MCM3: variants seen among roughly 807,000 people sequenced by gnomAD.
The protein encoded by MCM3 is DNA replication licensing factor MCM3.
MCM3 carries 59 observed loss-of-function variants against 91.3 expected under a neutral mutation model. That is an observed-to-expected ratio of 0.65 (90% confidence interval 0.52 to 0.80). MCM3 has a LOEUF of 0.80. MCM3 is among the 30% of genes least tolerant of loss of function. The pLI is 0.00. For missense variants in MCM3, 919 were observed against 1,035.4 expected (o/e 0.89, Z 1.54); for synonymous variants, 383 against 379.6 (o/e 1.01, Z -0.10).
At chr6:52,283,446 T>A in intron 1 of MCM3, 40 bp from the exon 2 acceptor site, 1 of 1,378,966 alleles carries the variant, frequency 7.3e-7, no homozygotes, top group Non-Finnish European at 1.0e-6. Context: ...GCCACAAATT[T>A]AAAAACAATG....
Position 52,283,318 on chromosome 6 carries a change from C to T in MCM3, c.167G>A (p.Arg56Lys). The T allele has an allele frequency of 6.2e-7, 1 of 1,614,130 alleles. No homozygotes were observed. The highest frequency in any genetic ancestry group is 8.5e-7 in the Non-Finnish European group (1 of 1,180,018). ...CCGGTTAGCCCTCTTCTCGTTTTTC[C>T]TGCGCAGGTCATTCACATTGACAAT... ...RLIVNVNDLRRKNEKRANRLL... is the reference protein window; with the variant it reads ...RLIVNVNDLRKKNEKRANRLL... The change falls in exon 2 of 17, where the codon AGG (arginine) becomes AAG (lysine). Residue 56 changes from arginine to lysine, a missense_variant. Around this residue, in one of 3 missense-constraint regions of MCM3, gnomAD observed 401 missense variants for 402.7 expected, o/e 1.00. Coordinates refer to ENST00000596288, the MANE Select transcript of MCM3 (RefSeq NM_002388.6).
chr6:52,267,016 C>G (rs1481397561), intron 14 of MCM3, among the ~76,000 whole-genome samples: 1 of 151,698 alleles, frequency 6.6e-6, no homozygotes, highest in Non-Finnish European at 1.5e-5. Flanking sequence ...GCTGTTCCTA[C>G]TATTTAGCAT....
chr6:52,281,547 G>A lies in MCM3; in HGVS notation c.531+498C>T, dbSNP rs565695119. Among the ~76,000 whole-genome samples, 3 of 152,140 alleles carry A rather than the reference G, an allele frequency of 2.0e-5. No individual in the cohort carries two copies. In the South Asian group the frequency reaches 6.2e-4, roughly 32 times the overall value. On this transcript the variant is annotated intron_variant, in intron 4 of 16. Coordinates refer to ENST00000596288, the MANE Select transcript of MCM3 (RefSeq NM_002388.6). Reference sequence around the variant, plus strand: ...AAAAAAAAAATTAGCGGACCTGGTGGTGCATGCCTATAATCCCAGGTACTC... The same window carrying A: ...AAAAAAAAAATTAGCGGACCTGGTGATGCATGCCTATAATCCCAGGTACTC...
At chr6:52,269,293 A>C in intron 12 of MCM3, 67 bp from the exon 13 acceptor site, 2 of 1,511,748 alleles carry the variant, frequency 1.3e-6, no homozygotes, top group Non-Finnish European at 1.8e-6. Context: ...CCTACTGCAC[A>C]GAAAGGGAAA....
At chr6:52,279,293 G>A in intron 5 of MCM3, 68 bp downstream of exon 5, 1 of 1,364,832 alleles carries the variant, frequency 7.3e-7, no homozygotes. Context: ...TGGCAAACTG[G>A]AGAAAGGATA....
intron 4 of MCM3, 73 bp from the exon 5 acceptor site, chr6:52,279,672 C>T: frequency 1.8e-6 from 2 of 1,097,048 alleles, no homozygotes; most frequent in Admixed American, 2.3e-5. Context: ...CCTGTCATGG[C>T]AAATAAGATG....
At chr6:52,280,244 G>A (rs113187750) in intron 4 of MCM3, among the ~76,000 whole-genome samples, 116 of 152,322 alleles carry the variant, frequency 7.6e-4, no homozygotes, top group Middle Eastern at 3.4e-3. Context: ...TTCCTCATTT[G>A]GAGCTGGTTA....
chr6:52,273,082 GA>G, intron 11 of MCM3, 147 bp downstream of exon 11: 1 of 915,426 alleles, frequency 1.1e-6, no homozygotes, highest in Non-Finnish European at 1.7e-6. Flanking sequence ...TGTGGACCCA[GA>G]AAAGAAGAAA....
Position 52,273,374 on chromosome 6 carries a change from G to A in MCM3, c.1550-18C>T. ...GGGCATAGCTGGTATACCCAAGTTAGGAGAAAGGAGAGTAATAAAGAGTTT... is the reference window on the plus strand; with the variant it reads ...GGGCATAGCTGGTATACCCAAGTTAAGAGAAAGGAGAGTAATAAAGAGTTT... On this transcript the variant is annotated intron_variant, in intron 10 of 16. Transcript: ENST00000596288. 6.2e-7 allele frequency: 1 copy of A among 1,613,834 alleles called. No homozygotes were observed. Among genetic ancestry groups the A allele is most frequent in the Non-Finnish European group, 8.5e-7 (1 of 1,179,860 alleles).
chr6:52,284,269 T>A (rs1766439347), intron 1 of MCM3, among the ~76,000 whole-genome samples: 1 of 152,042 alleles, frequency 6.6e-6, no homozygotes, highest in African/African-American at 2.4e-5. Context: ...TCCCCCACAG[T>A]CTCCTCAAAT....
chr6:52,281,380 A>T (rs1022041840), intron 4 of MCM3, among the ~76,000 whole-genome samples: 10 of 152,240 alleles, frequency 6.6e-5, no homozygotes, highest in African/African-American at 2.4e-4. Context: ...TCTTAAAAAA[A>T]TAATAAGAGT....
At chr6:52,269,675 G>T (rs984033379) in intron 12 of MCM3, among the ~76,000 whole-genome samples, 4 of 152,216 alleles carry the variant, frequency 2.6e-5, no homozygotes, top group Non-Finnish European at 5.9e-5. Flanking sequence ...CTAAAGGAGG[G>T]ATAGGAAAGA....
chr6:52,271,109 C>T (rs1431600665), intron 12 of MCM3, among the ~76,000 whole-genome samples: 4 of 151,716 alleles, frequency 2.6e-5, no homozygotes, highest in East Asian at 1.9e-4. Flanking sequence ...ACCCGGGAGG[C>T]GGAGGTTGCA....
Position 52,267,970 on chromosome 6 carries a change from T to A in MCM3, c.1969-2A>T. ...ACGTTTCTTCTCCTTCTCCAGAACC[T>A]AAGACCAAGGCAAGTGTGGCTGGGC... On this transcript the variant is annotated splice_acceptor_variant, in intron 13 of 16. Transcript: ENST00000596288. LOFTEE classifies it high-confidence loss of function. The A allele has an allele frequency of 6.2e-7, 1 of 1,613,972 alleles. No individual in the cohort carries two copies. The highest frequency in any genetic ancestry group is 2.2e-5 in the East Asian group (1 of 44,878).
chr6:52,284,281 A>AAG, intron 1 of MCM3, among the ~76,000 whole-genome samples: 1 of 152,180 alleles, frequency 6.6e-6, no homozygotes, highest in East Asian at 1.9e-4. Flanking sequence ...TCCTCAAATC[A>AAG]AGAGAGAGCA....
chr6:52,268,325 G>A (rs1279035031), intron 13 of MCM3, among the ~76,000 whole-genome samples: 4 of 151,976 alleles, frequency 2.6e-5, no homozygotes, highest in Admixed American at 1.3e-4. Flanking sequence ...AGCAAAAAGC[G>A]AGGAAGAGTT....
In MCM3 at chr6:52,276,477, C is replaced by G. The variant is rs1222093653; in HGVS notation, c.1166-1G>C. 1 of 1,613,686 alleles carries G rather than the reference C, an allele frequency of 6.2e-7. No homozygotes were observed. Among genetic ancestry groups the G allele is most frequent in the South Asian group, 1.1e-5 (1 of 91,012 alleles). Reference sequence around the variant, plus strand: ...GCCCCTGCTTCCAGACGGCGCTCTCCTGGGAAGTGAGAAGGTAAAAATACG... The same window carrying G: ...GCCCCTGCTTCCAGACGGCGCTCTCGTGGGAAGTGAGAAGGTAAAAATACG... On this transcript the variant is annotated splice_acceptor_variant, in intron 8 of 16. Transcript: ENST00000596288. LOFTEE classifies it high-confidence loss of function.
In MCM3 at chr6:52,273,140, T is replaced by A. The variant is rs1581722136; in HGVS notation, c.1676+90A>T. On this transcript the variant is annotated intron_variant, in intron 11 of 16. Coordinates refer to ENST00000596288, the MANE Select transcript of MCM3 (RefSeq NM_002388.6). ...TCCAGGCATGGCTTTGACCTGGGCA[T>A]ATAAGGCCTTAGCTAAGCTTAGATA... The A allele has an allele frequency of 4.0e-6, 6 of 1,505,252 alleles. No individual in the cohort carries two copies. In the East Asian group the frequency reaches 1.4e-4, roughly 34 times the overall value. The allele number at this position is 1,505,252 out of a possible 1,614,324, so 93.2% of individuals were successfully genotyped here. A position where few individuals can be genotyped will look rare whatever the true frequency, so the allele number is the denominator to read the frequency against.
At position 52,284,481 on chromosome 6, in the gene MCM3, C is replaced by G. The variant is rs893907873; in HGVS notation, c.78+116G>C. On this transcript the variant is annotated intron_variant, in intron 1 of 16. Coordinates refer to ENST00000596288, the MANE Select transcript of MCM3 (RefSeq NM_002388.6). ...AAGATTGGGGCTGGAGGCTCGGGCCCGGCAGGCTCCGCTGCGGCACACGGT... is the reference window on the plus strand; with the variant it reads ...AAGATTGGGGCTGGAGGCTCGGGCCGGGCAGGCTCCGCTGCGGCACACGGT... The G allele has an allele frequency of 1.2e-5, 11 of 906,610 alleles. No individual in the cohort carries two copies. In the Admixed American group the frequency reaches 2.3e-4, roughly 19 times the overall value. The allele number at this position is 906,610 out of a possible 1,614,324, so 56.2% of individuals were successfully genotyped here.
Sources: gnomAD v4.1 joint callset for allele counts (sites outside exome capture counted in the v4.1 genomes callset) on GRCh38, gnomAD v4.1.1 for gene constraint, gnomAD v4.1.1 regional missense constraint, MANE v1.5 for transcripts, NCBI Gene and HGNC (gene_info 2026-07-23, HGNC 2026-07-21) for gene names.